Variants in NRXN1 observed in about 807,000 individuals in gnomAD.
The protein encoded by NRXN1 is neurexin 1, also known as neurexin-1.
Under a neutral mutation model 150.9 loss-of-function variants are expected in NRXN1, and 39 were observed. The observed-to-expected ratio is 0.26, with a 90% CI of 0.20 to 0.34. The LOEUF is 0.34. Ranked by LOEUF, NRXN1 falls within the 10% of genes least tolerant of loss-of-function variation. NRXN1 has a pLI of 1.00. For synonymous variants in NRXN1, 924 were observed against 757.0 expected, an observed-to-expected ratio of 1.22 and a Z score of -3.62; for missense variants, 1,815 against 1,949.9, an observed-to-expected ratio of 0.93 and a Z score of 1.30.
chr2:50,064,313 A>G (rs1329659498), intron 19 of NRXN1, among the ~76,000 whole-genome samples: 3 of 152,044 alleles, frequency 2.0e-5, no homozygotes, highest in Non-Finnish European at 4.4e-5. Flanking sequence ...AGTACACAAT[A>G]GGACAAATCT....
intron 19 of NRXN1, among the ~76,000 whole-genome samples, chr2:50,089,378 C>T (rs1188198487): frequency 6.6e-6 from 1 of 152,202 alleles, no homozygotes; most frequent in Non-Finnish European, 1.5e-5. Flanking sequence ...ATTTTCATGG[C>T]ATCCAGTGTG....
At chr2:50,387,910 A>C (rs1294158832) in intron 17 of NRXN1, among the ~76,000 whole-genome samples, 1 of 152,202 alleles carries the variant, frequency 6.6e-6, no homozygotes, top group Non-Finnish European at 1.5e-5. Context: ...TATCAAATCC[A>C]CTAGGGGCTT....
At chr2:50,467,198 T>C (rs961060540) in intron 16 of NRXN1, among the ~76,000 whole-genome samples, 1 of 151,728 alleles carries the variant, frequency 6.6e-6, no homozygotes, top group Non-Finnish European at 1.5e-5. Flanking sequence ...TACGTCTGTA[T>C]TTTCTACACT....
At chr2:50,753,621 C>G (rs1358539354) in intron 5 of NRXN1, among the ~76,000 whole-genome samples, 2 of 151,796 alleles carry the variant, frequency 1.3e-5, no homozygotes. Context: ...GTTATCTTTT[C>G]TCTTCTTATC....
chr2:50,380,805 G>C (rs539450821), intron 17 of NRXN1, among the ~76,000 whole-genome samples: 40 of 152,154 alleles, frequency 2.6e-4, no homozygotes, highest in Non-Finnish European at 5.4e-4. Flanking sequence ...TCTAAGAAAG[G>C]CTATTTTCTA....
intron 5 of NRXN1, among the ~76,000 whole-genome samples, chr2:50,894,223 AAAACTT>A (rs1312716740): frequency 1.3e-5 from 2 of 149,156 alleles, no homozygotes; most frequent in Admixed American, 6.7e-5. Context: ...CATGTACCCT[AAAACTT>A]AAAGTATAAT....
chr2:50,063,525 A>T (rs1694883266), intron 19 of NRXN1, among the ~76,000 whole-genome samples: 1 of 143,176 alleles, frequency 7.0e-6, no homozygotes, highest in Non-Finnish European at 1.5e-5. Flanking sequence ...CTGTGTACTC[A>T]ACATCTCTGC....
chr2:49,963,811 T>A (rs1315547723), intron 21 of NRXN1, among the ~76,000 whole-genome samples: 2 of 152,190 alleles, frequency 1.3e-5, no homozygotes, highest in African/African-American at 4.8e-5. Flanking sequence ...TCAGAACCCA[T>A]TAATACTTTT....
chr2:50,424,060 A>T (rs1479295772), intron 17 of NRXN1, among the ~76,000 whole-genome samples: 1 of 148,724 alleles, frequency 6.7e-6, no homozygotes, highest in Non-Finnish European at 1.5e-5. Context: ...AATGGGCCAC[A>T]GTGGGAGGTT....
chr2:50,882,106 G>A (rs980378601), intron 5 of NRXN1, among the ~76,000 whole-genome samples: 2 of 151,766 alleles, frequency 1.3e-5, no homozygotes, highest in African/African-American at 4.8e-5. Flanking sequence ...CATGAAAAAT[G>A]ACTTAAAAAG....
chr2:50,198,134 C>A (rs1232317207), intron 18 of NRXN1, among the ~76,000 whole-genome samples: 1 of 152,056 alleles, frequency 6.6e-6, no homozygotes, highest in Non-Finnish European at 1.5e-5. Flanking sequence ...GCATTGCTAT[C>A]ACCAAATAGC....
intron 8 of NRXN1, among the ~76,000 whole-genome samples, chr2:50,573,232 G>A (rs1670918174): frequency 6.6e-6 from 1 of 151,960 alleles, no homozygotes; most frequent in African/African-American, 2.4e-5. Flanking sequence ...ACATGGTGAT[G>A]TGCATCTGCA....
intron 8 of NRXN1, among the ~76,000 whole-genome samples, chr2:50,574,820 G>A (rs1411026632): frequency 6.6e-6 from 1 of 152,180 alleles, no homozygotes; most frequent in Non-Finnish European, 1.5e-5. Context: ...AAATTGTGCG[G>A]CACCCTTGCC....
intron 13 of NRXN1, 120 bp downstream of exon 13, chr2:50,506,375 A>C (rs2092221455): frequency 8.5e-6 from 7 of 826,640 alleles, no homozygotes; most frequent in Non-Finnish European, 1.2e-5. Context: ...AAATAGAATA[A>C]AAATGGATTG....
At chr2:50,478,735 A>G (rs1183858834) in intron 15 of NRXN1, among the ~76,000 whole-genome samples, 1 of 152,150 alleles carries the variant, frequency 6.6e-6, no homozygotes, top group Non-Finnish European at 1.5e-5. Context: ...CTGTGAAATT[A>G]CTTTTTCTAA....
chr2:51,016,932 G>A (rs983823234), intron 2 of NRXN1, among the ~76,000 whole-genome samples: 6 of 152,064 alleles, frequency 3.9e-5, no homozygotes. Flanking sequence ...TCATAAAAAA[G>A]GATGAGTTCA....
intron 18 of NRXN1, among the ~76,000 whole-genome samples, chr2:50,134,861 A>G (rs1706144864): frequency 1.3e-5 from 2 of 152,188 alleles, no homozygotes; most frequent in South Asian, 2.1e-4. Context: ...CTGAAATAGC[A>G]CGGCTGATAT....
At chr2:50,187,555 T>C (rs1297304723) in intron 18 of NRXN1, among the ~76,000 whole-genome samples, 1 of 152,128 alleles carries the variant, frequency 6.6e-6, no homozygotes, top group Non-Finnish European at 1.5e-5. Context: ...TTGTTTAGGG[T>C]TGTCTTGGCT....
intron 18 of NRXN1, among the ~76,000 whole-genome samples, chr2:50,200,430 TA>T (rs2062078266): frequency 6.6e-6 from 1 of 152,122 alleles, no homozygotes; most frequent in Admixed American, 6.6e-5. Flanking sequence ...AGTCTTGACC[TA>T]AAACAGAGAA....
Sources: allele counts gnomAD v4.1 joint callset (sites outside exome capture counted in the v4.1 genomes callset), GRCh38; gene constraint gnomAD v4.1.1; transcripts MANE v1.5; gene names NCBI Gene and HGNC (gene_info 2026-07-23, HGNC 2026-07-21).